The following PIGN variants were observed in gnomAD, a reference collection of about 807,000 sequenced individuals.
The protein encoded by PIGN is phosphatidylinositol glycan anchor biosynthesis class N, also known as GPI ethanolamine phosphate transferase 1.
PIGN carries 117 observed loss-of-function variants against 125.4 expected under a neutral mutation model. The observed-to-expected ratio is 0.93, with a 90% CI of 0.80 to 1.09. PIGN has a LOEUF of 1.09. Ranked by LOEUF, PIGN falls within the 50% of genes least tolerant of loss-of-function variation. The pLI is 0.00. For missense variants in PIGN, 1,075 were observed against 1,094.9 expected, an observed-to-expected ratio of 0.98 and a Z score of 0.26; for synonymous variants, 392 against 377.8, an observed-to-expected ratio of 1.04 and a Z score of -0.44.
chr18:62,040,439 C>T (rs998960069), downstream of PIGN, among the ~76,000 whole-genome samples: 1 of 152,116 alleles, frequency 6.6e-6, no homozygotes, highest in African/African-American at 2.4e-5. Flanking sequence ...GCCAAATGTT[C>T]CTATATTGAT....
intron 23 of PIGN, among the ~76,000 whole-genome samples, chr18:62,033,192 G>C (rs1380845372): frequency 6.6e-6 from 1 of 152,204 alleles, no homozygotes; most frequent in Non-Finnish European, 1.5e-5. Context: ...GTGGGAGGCA[G>C]AGCACTGCAT....
intron 7 of PIGN, 116 bp downstream of exon 7, chr18:62,154,429 T>C (rs1410503322): frequency 3.1e-6 from 2 of 644,564 alleles, no homozygotes; most frequent in African/African-American, 1.9e-5. Flanking sequence ...TTCAGAACAG[T>C]GTGCTACAAC....
At chr18:62,026,552 CT>C (rs2030121064) in intron 23 of PIGN, among the ~76,000 whole-genome samples, 1 of 152,188 alleles carries the variant, frequency 6.6e-6, no homozygotes, top group Non-Finnish European at 1.5e-5. Flanking sequence ...ACAGGCCTCT[CT>C]GAAAAAACCA....
At chr18:62,021,662 A>C (rs2030056136) in intron 23 of PIGN, among the ~76,000 whole-genome samples, 1 of 152,212 alleles carries the variant, frequency 6.6e-6, no homozygotes, top group Non-Finnish European at 1.5e-5. Flanking sequence ...GAAGAAAACT[A>C]AGTCAACGTT....
chr18:62,095,984 TAA>T (rs2034167378), intron 22 of PIGN, 34 bp from the exon 23 acceptor site: 2 of 1,399,794 alleles, frequency 1.4e-6, no homozygotes, highest in South Asian at 2.3e-5. Flanking sequence ...TCTGTCAGTA[TAA>T]GAGACACAAA....
At chr18:62,100,015 G>A (rs1185549429) in intron 22 of PIGN, among the ~76,000 whole-genome samples, 3 of 151,934 alleles carry the variant, frequency 2.0e-5, no homozygotes, top group African/African-American at 4.8e-5. Context: ...AACCATCAAC[G>A]GAGTGAAGAG....
chr18:62,018,277 T>C (rs1668895389), intron 23 of PIGN, among the ~76,000 whole-genome samples: 1 of 152,116 alleles, frequency 6.6e-6, no homozygotes, highest in Non-Finnish European at 1.5e-5. Context: ...ATGGGCGAGA[T>C]CAAGTTGAAG....
chr18:62,089,082 T>C (rs2033844335), intron 24 of PIGN, among the ~76,000 whole-genome samples: 1 of 152,180 alleles, frequency 6.6e-6, no homozygotes, highest in South Asian at 2.1e-4. Flanking sequence ...AGTGTTGCTA[T>C]ATGTGTAATA....
rs201917584 is a variant in PIGN at position 62,088,839 on chromosome 18, T to A, written c.2287A>T (p.Thr763Ser). The A allele has an allele frequency of 1.3e-6, 2 of 1,520,060 alleles. No homozygotes were observed. The highest frequency in any genetic ancestry group is 1.8e-6 in the Non-Finnish European group (2 of 1,116,172). The allele number at this position is 1,520,060 out of a possible 1,614,324, so 94.2% of individuals were successfully genotyped here. The part of the protein sequence containing the change: ...QSGVCCKQKL[T>S]SIQFSYNTDI... ...GTATTATAAGAGAACTGGATACTGG[T>A]GAGCTGTGAGATAATAAGAAAAATA... Residue 763 changes from threonine (T) to serine (S), a missense_variant, in exon 25 of 31, where the codon ACC becomes TCC. This residue lies in a region of PIGN where 915 missense variants were observed against 908.7 expected (regional missense o/e 1.01). Coordinates refer to ENST00000640252, the MANE Select transcript of PIGN (RefSeq NM_176787.5).
intron 1 of PIGN, among the ~76,000 whole-genome samples, chr18:62,167,302 G>A (rs935442480): frequency 4.4e-4 from 15 of 34,140 alleles, no homozygotes; most frequent in African/African-American, 8.7e-4. Context: ...GTGTGTGTGT[G>A]TGTGTGTGTG....
chr18:62,164,784 T>C (rs566568972), intron 1 of PIGN, among the ~76,000 whole-genome samples: 132 of 152,322 alleles, frequency 8.7e-4, no homozygotes, highest in African/African-American at 3.1e-3. Context: ...TGGCTGAATG[T>C]AGAGAGCAGA....
Position 62,168,623 on chromosome 18 carries a change from AG to A in PIGN, c.-235-4968del, listed in dbSNP as rs200058379. 7.7e-3 allele frequency among the ~76,000 whole-genome samples: 1,170 copies of A among 152,322 alleles called. 15 individuals are homozygous for A. Among genetic ancestry groups the A allele is most frequent in the Middle Eastern group, 0.037 (11 of 294 alleles). On this transcript the variant is annotated intron_variant, in intron 1 of 30. Coordinates refer to ENST00000640252, the MANE Select transcript of PIGN (RefSeq NM_176787.5). ...ACACCTACAGTATAGGTATCAATTC[AG>A]TAAATTCAACATCAATGTAATATTT...
At chr18:62,074,748 AATTTAT>A in intron 29 of PIGN, 25 bp downstream of exon 29, 1 of 1,439,476 alleles carries the variant, frequency 6.9e-7, no homozygotes, top group Non-Finnish European at 9.7e-7. Context: ...CTCTTAATCT[AATTTAT>A]ATGGACTACC....
At chr18:62,027,378 C>T (rs1307620288) in intron 23 of PIGN, among the ~76,000 whole-genome samples, 10 of 152,170 alleles carry the variant, frequency 6.6e-5, no homozygotes, top group Non-Finnish European at 1.5e-4. Flanking sequence ...CTCAGGAGGT[C>T]CTGACGACAT....
At chr18:62,026,388 G>A (rs1282824216) in intron 23 of PIGN, among the ~76,000 whole-genome samples, 1 of 151,970 alleles carries the variant, frequency 6.6e-6, no homozygotes, top group Non-Finnish European at 1.5e-5. Context: ...TCTAAAGAGT[G>A]ACATACATTT....
Position 62,125,144 on chromosome 18 carries a change from A to ACG in PIGN, c.1173-10506_1173-10505insCG, listed in dbSNP as rs1416321006. ...TATATAAATATACACGTTTGTACAT[A>ACG]TGTGTATATACATGTTTGTACATAT... is the stretch of plus-strand genomic sequence containing the variant. On this transcript the variant is annotated intron_variant, in intron 14 of 30. Transcript: ENST00000640252. Among the ~76,000 whole-genome samples the ACG allele has an allele frequency of 2.2e-4, 10 of 45,218 alleles. 1 individual carries two copies. In the South Asian group the frequency reaches 6.9e-3, roughly 31 times the overall value. 29.7% of individuals were successfully genotyped at this position (45,218 alleles called of 152,430 possible). A position where few individuals can be genotyped will look rare whatever the true frequency, so the allele number is the denominator to read the frequency against.
At position 62,070,648 on chromosome 18, in the gene PIGN, G is replaced by C. The variant is rs1025492632; in HGVS notation, c.2672+2025C>G. 1.5e-5 allele frequency: 6 copies of C among 394,516 alleles called. No individual in the cohort carries two copies. The South Asian group carries it at 7.2e-4, about 47-fold the overall frequency. The allele number at this position is 394,516 out of a possible 1,614,324, so 24.4% of individuals were successfully genotyped here. On this transcript the variant is annotated intron_variant, in intron 30 of 30. Coordinates refer to ENST00000640252, the MANE Select transcript of PIGN (RefSeq NM_176787.5). Reference sequence around the variant, plus strand: ...GTATACAAAAATGTATTCTGTCTCAGAATGCATTTGGAGAAGAAAAGGCAA... The same window carrying C: ...GTATACAAAAATGTATTCTGTCTCACAATGCATTTGGAGAAGAAAAGGCAA...
At chr18:62,133,071 A>G (rs1229762841) in intron 14 of PIGN, among the ~76,000 whole-genome samples, 3 of 152,212 alleles carry the variant, frequency 2.0e-5, no homozygotes, top group African/African-American at 7.2e-5. Flanking sequence ...TCAATGCAGT[A>G]TTCAATAAAT....
At position 62,072,617 on chromosome 18, in the gene PIGN, A is replaced by G. The variant is rs1052996055; in HGVS notation, c.2672+56T>C. 7.4e-6 allele frequency: 10 copies of G among 1,352,836 alleles called. No homozygotes were observed. In the South Asian group the frequency reaches 7.8e-5, roughly 11 times the overall value. The allele number at this position is 1,352,836 out of a possible 1,614,324, so 83.8% of individuals were successfully genotyped here. A position where few individuals can be genotyped will look rare whatever the true frequency, so the allele number is the denominator to read the frequency against. On this transcript the variant is annotated intron_variant, in intron 30 of 30. Coordinates refer to ENST00000640252, the MANE Select transcript of PIGN (RefSeq NM_176787.5). ...CACAGTGAAGAAATTGCCTAACAAT[A>G]TATTTCTCAGAACTTATCCCTGTTG...
Sources: allele counts gnomAD v4.1 joint callset (sites outside exome capture counted in the v4.1 genomes callset), GRCh38; gene constraint gnomAD v4.1.1; regional missense constraint gnomAD v4.1.1; transcripts MANE v1.5; gene names NCBI Gene and HGNC (gene_info 2026-07-23, HGNC 2026-07-21).